Variants in GIGYF2 observed in about 807,000 individuals in gnomAD.
GIGYF2 encodes GRB10-interacting GYF protein 2.
In GIGYF2, 25 loss-of-function variants were observed where a neutral mutation model predicts 208.1. That is an observed-to-expected ratio of 0.12 (90% CI 0.09 to 0.17). The LOEUF (loss-of-function observed/expected upper bound fraction) is 0.17, where lower values mean the gene tolerates loss of function less well. Among genes scored for constraint, GIGYF2 ranks in the 10% least tolerant of loss-of-function variants. The probability of loss-of-function intolerance (pLI) is 1.00; values close to 1 mark genes in which losing one functional copy is unlikely to be tolerated. For missense variants in GIGYF2, 1,302 were observed against 1,579.4 expected, an observed-to-expected ratio of 0.82 and a Z score of 2.98; for synonymous variants, 534 against 543.8, an observed-to-expected ratio of 0.98 and a Z score of 0.25.
At chr2:232,821,459 A>G (rs1464926924) in intron 21 of GIGYF2, among the ~76,000 whole-genome samples, 4 of 152,198 alleles carry the variant, frequency 2.6e-5, no homozygotes, top group East Asian at 1.9e-4. Flanking sequence ...TTGGCCTCCT[A>G]AAGTGTTGAG....
intron 28 of GIGYF2, among the ~76,000 whole-genome samples, chr2:232,855,175 C>CT (rs1690514745): frequency 6.7e-6 from 1 of 149,000 alleles, no homozygotes; most frequent in African/African-American, 2.5e-5. Flanking sequence ...AAATCTCTGC[C>CT]TCCTGGGTTC....
intron 2 of GIGYF2, among the ~76,000 whole-genome samples, chr2:232,733,046 G>A (rs1697572906): frequency 6.6e-6 from 1 of 152,148 alleles, no homozygotes. Flanking sequence ...CACGAGGTCA[G>A]GAGATCAAGA....
At chr2:232,775,584 G>C (rs143268421) in intron 8 of GIGYF2, among the ~76,000 whole-genome samples, 317 of 152,292 alleles carry the variant, frequency 2.1e-3, no homozygotes, top group African/African-American at 6.9e-3. Flanking sequence ...TTCTATTGCT[G>C]TGTGTGGGCT....
At chr2:232,735,574 G>A (rs1021677671) in intron 3 of GIGYF2, 4 of 362,090 alleles carry the variant, frequency 1.1e-5, no homozygotes, top group Admixed American at 5.2e-5. Flanking sequence ...ATGTCTGTAT[G>A]TTTTCTGCTA....
chr2:232,715,723 T>C (rs1327322160), intron 2 of GIGYF2, among the ~76,000 whole-genome samples: 8 of 152,138 alleles, frequency 5.3e-5, no homozygotes, highest in Non-Finnish European at 1.0e-4. Context: ...CTCAAAAATG[T>C]TGGTGTATTT....
At chr2:232,726,838 A>C (rs1393797782) in intron 2 of GIGYF2, among the ~76,000 whole-genome samples, 3 of 152,244 alleles carry the variant, frequency 2.0e-5, no homozygotes, top group Non-Finnish European at 4.4e-5. Flanking sequence ...GCACTAAGCA[A>C]CTGTGATTTT....
rs371777024 is a variant in GIGYF2 at position 232,857,253 on chromosome 2, T to C, written c.*393T>C. On this transcript the variant is annotated 3_prime_UTR_variant, in exon 29 of 29. Coordinates refer to ENST00000373563, the MANE Select transcript of GIGYF2 (RefSeq NM_001103146.3). ...TCTATTTTGTTTTTTCTTCTTCTTT[T>C]TCCCCCCATCAGGGCAAATGGTCTA... 9.4e-6 allele frequency: 3 copies of C among 319,752 alleles called. No homozygotes were observed. Among genetic ancestry groups the C allele is most frequent in the East Asian group, 1.6e-4 (2 of 12,260 alleles). 19.8% of individuals were successfully genotyped at this position (319,752 alleles called of 1,614,324 possible). A position where few individuals can be genotyped will look rare whatever the true frequency, so the allele number is the denominator to read the frequency against.
In GIGYF2 at chr2:232,796,157, G is replaced by C. The variant is rs370762713; in HGVS notation, c.1575G>C (p.Ser525=). 6 of 1,599,876 alleles carry C rather than the reference G, an allele frequency of 3.8e-6. No individual in the cohort carries two copies. The African/African-American group carries it at 6.7e-5, about 18-fold the overall frequency. The change falls in exon 14 of 29, where the codon TCG becomes TCC. Residue 525 remains serine, a synonymous_variant. Transcript: ENST00000373563. The part of the protein sequence containing the change: ...KLQEHRAKGV[S]IPLMHEAMQK... ...AAGAGCACAGAGCTAAAGGAGTGTC[G>C]ATTCCATTGATGCATGAAGCAATGC...
chr2:232,805,682 C>T (rs552886360), intron 14 of GIGYF2, among the ~76,000 whole-genome samples: 4 of 152,276 alleles, frequency 2.6e-5, no homozygotes, highest in Non-Finnish European at 4.4e-5. Context: ...AGGGAATTCA[C>T]GATCATGTCA....
chr2:232,714,202 C>T (rs567877524), intron 2 of GIGYF2, among the ~76,000 whole-genome samples: 6 of 152,036 alleles, frequency 3.9e-5, no homozygotes, highest in African/African-American at 9.7e-5. Flanking sequence ...CCGCCCGTCT[C>T]GGCCTCCCAA....
intron 14 of GIGYF2, among the ~76,000 whole-genome samples, chr2:232,805,804 GA>G (rs1282255790): frequency 3.9e-5 from 6 of 152,278 alleles, no homozygotes; most frequent in Middle Eastern, 3.4e-3. Context: ...GAGGAATAGG[GA>G]AAAGTACATC....
chr2:232,747,115 A>G (rs1374814983), intron 3 of GIGYF2, among the ~76,000 whole-genome samples: 1 of 152,218 alleles, frequency 6.6e-6, no homozygotes, highest in Non-Finnish European at 1.5e-5. Flanking sequence ...GCTATTACCA[A>G]ATTGCCAAAT....
At chr2:232,734,675 C>T (rs1403397905) in intron 2 of GIGYF2, among the ~76,000 whole-genome samples, 1 of 152,074 alleles carries the variant, frequency 6.6e-6, no homozygotes, top group Non-Finnish European at 1.5e-5. Flanking sequence ...TGCTAATAAG[C>T]AGAAGGTGAG....
rs759525243 is a variant in GIGYF2, at chr2:232,756,197, CTTTTTT to C, written c.268-11_268-6del. On this transcript the variant is annotated intron_variant, in intron 5 of 28. Transcript: ENST00000373563. ...TTTTCTTTCTTTTTTTCCTTTTTCT[CTTTTTT>C]TTTTTTTTTTTTTTGGCAGAGAAAC... 2,728 of 708,800 alleles carry C rather than the reference CTTTTTT, an allele frequency of 3.8e-3. 9 individuals are homozygous for C. Among genetic ancestry groups the C allele is most frequent in the East Asian group, 0.034 (1,188 of 34,966 alleles). 43.9% of individuals were successfully genotyped at this position (708,800 alleles called of 1,614,324 possible). A position where few individuals can be genotyped will look rare whatever the true frequency, so the allele number is the denominator to read the frequency against.
chr2:232,836,815 T>G (rs1701653150), intron 22 of GIGYF2, among the ~76,000 whole-genome samples: 1 of 152,142 alleles, frequency 6.6e-6, no homozygotes, highest in South Asian at 2.1e-4. Flanking sequence ...TTCTACTGTT[T>G]CTGAAAACAC....
intron 12 of GIGYF2, among the ~76,000 whole-genome samples, chr2:232,793,366 A>C (rs1177867478): frequency 2.0e-5 from 3 of 152,112 alleles, no homozygotes; most frequent in Non-Finnish European, 2.9e-5. Flanking sequence ...TAAAGTAGAA[A>C]CTGTCAGGAC....
rs57991158 is a variant in GIGYF2, at chr2:232,797,981, CAA to C, written c.1639+1785_1639+1786del. Among the ~76,000 whole-genome samples the C allele has an allele frequency of 8.5e-3, 869 of 102,196 alleles. 7 individuals are homozygous for C. Among genetic ancestry groups the C allele is most frequent in the African/African-American group, 0.03 (804 of 26,590 alleles). The allele number at this position is 102,196 out of a possible 152,430, so 67.0% of individuals were successfully genotyped here. ...GTGTGACAGAGTGAGACTGTGCCTC[CAA>C]AAAAAAAAAAAAAAAAAAAAAAAAG... On this transcript the variant is annotated intron_variant, in intron 14 of 28. Transcript: ENST00000373563.
chr2:232,698,747 C>T (rs1695717144), intron 1 of GIGYF2, among the ~76,000 whole-genome samples: 1 of 152,138 alleles, frequency 6.6e-6, no homozygotes, highest in South Asian at 2.1e-4. Flanking sequence ...GGAAAAATGT[C>T]ACATGATGTT....
chr2:232,845,893 A>G lies in GIGYF2; in HGVS notation c.3460+7A>G, dbSNP rs780157238. ...ACGGCAAATAACTTGGATGGTAAGAATTGGGGAGGGAAACCCGGCATGTGG... is the reference window on the plus strand; with the variant it reads ...ACGGCAAATAACTTGGATGGTAAGAGTTGGGGAGGGAAACCCGGCATGTGG... On this transcript the variant is annotated splice_region_variant and intron_variant, in intron 26 of 28. Transcript: ENST00000373563. 1 of 1,574,140 alleles carries G rather than the reference A, an allele frequency of 6.4e-7. No homozygotes were observed. Among genetic ancestry groups the G allele is most frequent in the Non-Finnish European group, 8.7e-7 (1 of 1,143,818 alleles).
Sources: allele counts gnomAD v4.1 joint callset (sites outside exome capture counted in the v4.1 genomes callset), GRCh38; gene constraint gnomAD v4.1.1; transcripts MANE v1.5; gene names NCBI Gene and HGNC (gene_info 2026-07-23, HGNC 2026-07-21).